The following SRGAP1 variants were observed in gnomAD, a reference collection of about 807,000 sequenced individuals.
The protein encoded by SRGAP1 is SLIT-ROBO Rho GTPase-activating protein 1.
A neutral mutation model predicts 121.9 loss-of-function variants in SRGAP1; 43 were observed. The observed-to-expected ratio is 0.35, with a 90% CI of 0.28 to 0.46. The LOEUF (loss-of-function observed/expected upper bound fraction) is 0.46. Ranked by LOEUF, SRGAP1 falls within the 20% of genes least tolerant of loss-of-function variation. The pLI, the probability that SRGAP1 is intolerant of heterozygous loss-of-function variation, is 1.00. For synonymous variants in SRGAP1, 447 were observed against 485.4 expected (o/e 0.92, Z 1.04); for missense variants, 1,102 against 1,350.9 (o/e 0.82, Z 2.89).
In SRGAP1 at chr12:64,127,903, T is replaced by C; in HGVS notation, c.2583T>C (p.Pro861=). The change falls in exon 21 of 22, where the codon CCT becomes CCC. Residue 861 remains proline, a synonymous_variant. Transcript: ENST00000355086. ...AGCCACCCCCTCCAGTAAGGCGTCC[T>C]GGCAGGACCAGTGATGGCCATTGCC... is the stretch of plus-strand genomic sequence containing the variant. ...RGEPPPPVRR[P]GRTSDGHCPL... 2 of 1,613,992 alleles carry C rather than the reference T, an allele frequency of 1.2e-6. No homozygotes were observed. The highest frequency in any genetic ancestry group is 1.7e-6 in the Non-Finnish European group (2 of 1,179,882).
intron 1 of SRGAP1, among the ~76,000 whole-genome samples, chr12:63,893,404 G>A (rs1468737269): frequency 2.6e-5 from 4 of 152,190 alleles, no homozygotes; most frequent in Admixed American, 6.5e-5. Flanking sequence ...AGACTGGAAT[G>A]TACTGTTCTT....
chr12:63,998,282 A>T (rs1347543162), intron 3 of SRGAP1, among the ~76,000 whole-genome samples: 5 of 152,220 alleles, frequency 3.3e-5, no homozygotes, highest in Non-Finnish European at 7.3e-5. Context: ...GAAACCAAAG[A>T]TAGTGGCATT....
chr12:64,102,411 C>A (rs915188929), intron 15 of SRGAP1, among the ~76,000 whole-genome samples: 2 of 152,112 alleles, frequency 1.3e-5, no homozygotes, highest in African/African-American at 4.8e-5. Context: ...AGATATAATT[C>A]TCATACTCTA....
intron 15 of SRGAP1, among the ~76,000 whole-genome samples, chr12:64,107,633 A>G (rs975646448): frequency 6.6e-6 from 1 of 152,158 alleles, no homozygotes; most frequent in African/African-American, 2.4e-5. Flanking sequence ...ATCCACATTT[A>G]TAGGTGGAAG....
chr12:64,032,657 A>G (rs936558083), intron 4 of SRGAP1: 37 of 336,892 alleles, frequency 1.1e-4, no homozygotes, highest in African/African-American at 7.1e-4. Context: ...ATTTCCTATT[A>G]CAAACAAGTG....
At chr12:63,940,490 G>T (rs112771267) in intron 1 of SRGAP1, among the ~76,000 whole-genome samples, 1 of 152,106 alleles carries the variant, frequency 6.6e-6, no homozygotes, top group South Asian at 2.1e-4. Flanking sequence ...ATGTGTTAAG[G>T]GGGTGGGGGT....
At chr12:63,905,414 T>C (rs1412217753) in intron 1 of SRGAP1, among the ~76,000 whole-genome samples, 1 of 152,180 alleles carries the variant, frequency 6.6e-6, no homozygotes, top group Non-Finnish European at 1.5e-5. Flanking sequence ...CACAGTAATA[T>C]CGGATGGTCC....
chr12:63,845,142 G>T (rs954829734), intron 1 of SRGAP1, among the ~76,000 whole-genome samples: 8 of 152,286 alleles, frequency 5.3e-5, no homozygotes, highest in Non-Finnish European at 8.8e-5. Context: ...GGAGAGAACT[G>T]GCTTTAACTT....
intron 1 of SRGAP1, among the ~76,000 whole-genome samples, chr12:63,875,630 T>C (rs1900005831): frequency 6.6e-5 from 10 of 152,232 alleles, no homozygotes; most frequent in Admixed American, 4.6e-4. Flanking sequence ...ATATCCTTTT[T>C]GATTGGTTCT....
intron 21 of SRGAP1, among the ~76,000 whole-genome samples, chr12:64,129,628 A>G (rs1276736961): frequency 1.3e-5 from 2 of 152,176 alleles, no homozygotes; most frequent in East Asian, 3.8e-4. Flanking sequence ...TCTTCAAATA[A>G]AAACAATAAT....
chr12:63,971,204 T>C (rs980566381), intron 1 of SRGAP1, among the ~76,000 whole-genome samples: 1 of 152,196 alleles, frequency 6.6e-6, no homozygotes, highest in African/African-American at 2.4e-5. Context: ...TGTTCCTGCC[T>C]ATGTGTTCTC....
rs185508937 is a variant in SRGAP1, at chr12:63,899,719, A to G, written c.67+54836A>G. 3.9e-5 allele frequency among the ~76,000 whole-genome samples: 6 copies of G among 152,366 alleles called. No individual in the cohort carries two copies. The East Asian group carries it at 1.2e-3, about 29-fold the overall frequency. ...TACACATCCAGTTAGGTTACAGTTC[A>G]TTATGTACAGGGAAACCTTGGGCTA... On this transcript the variant is annotated intron_variant, in intron 1 of 21. Transcript: ENST00000355086.
chr12:63,844,838 A>T lies in SRGAP1; in HGVS notation c.22A>T (p.Lys8Ter). The T allele has an allele frequency of 6.2e-7, 1 of 1,614,188 alleles. No individual in the cohort carries two copies. Among genetic ancestry groups the T allele is most frequent in the Non-Finnish European group, 8.5e-7 (1 of 1,180,046 alleles). Residue 8 changes from lysine to a stop codon, truncating the protein, a stop_gained, in exon 1 of 22, where the codon AAG becomes TAG. Coordinates refer to ENST00000355086, the MANE Select transcript of SRGAP1 (RefSeq NM_020762.4). LOFTEE classifies it high-confidence loss of function. The surrounding 1 kb of genome is among the most constrained non-coding windows in gnomAD (Gnocchi z 4.3). ...GATAATGTCCACCCCGAGCCGATTC[A>T]AGAAGGACAAAGAGATCATAGCCGA... MSTPSRF[K>*]KDKEIIAEYE... is the part of the protein sequence containing the mutation.
chr12:63,888,848 T>A (rs1900480225), intron 1 of SRGAP1, among the ~76,000 whole-genome samples: 1 of 152,178 alleles, frequency 6.6e-6, no homozygotes, highest in Non-Finnish European at 1.5e-5. Flanking sequence ...ACAGTTTCTC[T>A]GTAACACCCC....
chr12:63,997,384 C>T (rs2136428676), intron 3 of SRGAP1, among the ~76,000 whole-genome samples: 1 of 151,902 alleles, frequency 6.6e-6, no homozygotes, highest in South Asian at 2.1e-4. Context: ...ATGAAATTGC[C>T]TAATGATGCA....
intron 3 of SRGAP1, among the ~76,000 whole-genome samples, chr12:63,992,133 T>G (rs1234521158): frequency 6.6e-6 from 1 of 152,084 alleles, no homozygotes; most frequent in Non-Finnish European, 1.5e-5. Context: ...GGACCAGGGA[T>G]CGTATGGGAG....
At chr12:63,946,315 A>G (rs921025059) in intron 1 of SRGAP1, among the ~76,000 whole-genome samples, 4 of 112,972 alleles carry the variant, frequency 3.5e-5, no homozygotes, top group Non-Finnish European at 7.4e-5. Flanking sequence ...TTACAGTTTT[A>G]TGCAGGCATA....
intron 1 of SRGAP1, among the ~76,000 whole-genome samples, chr12:63,859,057 T>C (rs762709805): frequency 1.3e-5 from 2 of 152,238 alleles, no homozygotes; most frequent in Non-Finnish European, 2.9e-5. Flanking sequence ...TTAAAATGTA[T>C]TGAAATAATA....
intron 11 of SRGAP1, among the ~76,000 whole-genome samples, chr12:64,088,074 C>T (rs1295586444): frequency 6.6e-6 from 1 of 152,188 alleles, no homozygotes; most frequent in African/African-American, 2.4e-5. Context: ...GCATTTAGAA[C>T]ACTGGTATAT....
Sources: gnomAD v4.1 joint callset for allele counts (sites outside exome capture counted in the v4.1 genomes callset) on GRCh38, gnomAD v4.1.1 for gene constraint, Gnocchi (gnomAD v3.1) non-coding constraint, MANE v1.5 for transcripts, NCBI Gene and HGNC (gene_info 2026-07-23, HGNC 2026-07-21) for gene names.